Variants in CHSY3 observed in about 807,000 individuals in gnomAD.
CHSY3 encodes the protein N-acetylgalactosaminyl-proteoglycan 3-beta-glucuronosyltransferase 3.
CHSY3 carries 35 observed loss-of-function variants against 67.2 expected under a neutral mutation model. The observed-to-expected ratio is 0.52, with a 90% CI of 0.40 to 0.69. The LOEUF is 0.69. Ranked by LOEUF, CHSY3 falls within the 30% of genes least tolerant of loss-of-function variation. CHSY3 has a pLI of 0.00. For synonymous variants in CHSY3, 474 were observed against 434.7 expected (o/e 1.09, Z -1.12); for missense variants, 1,069 against 1,138.5 (o/e 0.94, Z 0.88).
intron 2 of CHSY3, among the ~76,000 whole-genome samples, chr5:130,071,540 TGTGTGTGTGTG>T (rs1561523303): frequency 6.6e-5 from 7 of 106,046 alleles, no homozygotes; most frequent in African/African-American, 3.0e-4. Flanking sequence ...TAGTTCATTG[TGTGTGTGTGTG>T]TGTGTGTGTG....
intron 2 of CHSY3, among the ~76,000 whole-genome samples, chr5:129,991,001 A>G (rs2149630146): frequency 6.6e-6 from 1 of 152,262 alleles, no homozygotes; most frequent in South Asian, 2.1e-4. Context: ...TAAGGATGCC[A>G]GGAAACGCAT....
At chr5:129,980,084 G>A (rs533813808) in intron 2 of CHSY3, among the ~76,000 whole-genome samples, 2 of 152,302 alleles carry the variant, frequency 1.3e-5, no homozygotes, top group South Asian at 2.1e-4. Context: ...ATGGACATAC[G>A]TTTTTAACTC....
At chr5:130,138,335 G>C (rs1045520000) in intron 2 of CHSY3, among the ~76,000 whole-genome samples, 3 of 152,320 alleles carry the variant, frequency 2.0e-5, no homozygotes, top group East Asian at 1.9e-4. Context: ...GTAGGCATAG[G>C]CTGTCAGCAA....
chr5:129,942,787 T>A (rs902790302), intron 2 of CHSY3, among the ~76,000 whole-genome samples: 4 of 152,148 alleles, frequency 2.6e-5, no homozygotes, highest in African/African-American at 7.2e-5. Context: ...TTTTATTTGG[T>A]CATGGATTTG....
At chr5:130,076,491 TA>T (rs1766259817) in intron 2 of CHSY3, among the ~76,000 whole-genome samples, 1 of 151,884 alleles carries the variant, frequency 6.6e-6, no homozygotes, top group South Asian at 2.1e-4. Context: ...TCTTATACAG[TA>T]AAATAGTAGT....
At chr5:130,168,436 T>A (rs1429876600) in intron 2 of CHSY3, among the ~76,000 whole-genome samples, 1 of 151,982 alleles carries the variant, frequency 6.6e-6, no homozygotes, top group Non-Finnish European at 1.5e-5. Context: ...AGGACTCCCA[T>A]CAGTCATGCT....
chr5:129,962,608 A>C (rs116640054), intron 2 of CHSY3, among the ~76,000 whole-genome samples: 1 of 152,024 alleles, frequency 6.6e-6, no homozygotes, highest in African/African-American at 2.4e-5. Context: ...GAGATCCTGC[A>C]TGGTCTGACA....
intron 2 of CHSY3, among the ~76,000 whole-genome samples, chr5:129,973,095 G>T (rs1185104404): frequency 2.0e-5 from 3 of 151,884 alleles, no homozygotes; most frequent in African/African-American, 7.3e-5. Context: ...TCATTAAATT[G>T]CTTTTTTGTG....
chr5:129,904,800 C>G lies in CHSY3; in HGVS notation c.-30C>G. 8 of 1,361,592 alleles carry G rather than the reference C, an allele frequency of 5.9e-6. No individual in the cohort carries two copies. Among genetic ancestry groups the G allele is most frequent in the Non-Finnish European group, 7.6e-6 (8 of 1,056,532 alleles). 84.3% of individuals were successfully genotyped at this position (1,361,592 alleles called of 1,614,324 possible). On this transcript the variant is annotated 5_prime_UTR_variant, in exon 1 of 3. Coordinates refer to ENST00000305031, the MANE Select transcript of CHSY3 (RefSeq NM_175856.5). ...AACCGCGTGCCGCGCCGCGACAGCC[C>G]AGCGAGCGTCCGCGCCCGGGACAGC...
intron 2 of CHSY3, among the ~76,000 whole-genome samples, chr5:130,043,600 C>A (rs983111774): frequency 1.3e-5 from 2 of 152,110 alleles, no homozygotes; most frequent in Non-Finnish European, 2.9e-5. Flanking sequence ...CGTCCACAAT[C>A]CTAAATGTAG....
At chr5:129,959,153 G>C (rs554364128) in intron 2 of CHSY3, among the ~76,000 whole-genome samples, 2 of 152,022 alleles carry the variant, frequency 1.3e-5, no homozygotes, top group Admixed American at 1.3e-4. Flanking sequence ...ACTAGTTACT[G>C]CTAGACATTA....
intron 2 of CHSY3, among the ~76,000 whole-genome samples, chr5:130,162,578 A>G (rs1241898716): frequency 6.6e-6 from 1 of 152,050 alleles, no homozygotes; most frequent in Non-Finnish European, 1.5e-5. Context: ...TCTGTCACCC[A>G]GGATGGAGTA....
intron 2 of CHSY3, among the ~76,000 whole-genome samples, chr5:130,003,516 A>G (rs1763792367): frequency 6.6e-6 from 1 of 152,150 alleles, no homozygotes; most frequent in South Asian, 2.1e-4. Flanking sequence ...TGTTCTTCCC[A>G]AGCACAATTG....
chr5:130,074,432 G>A (rs1766187586), intron 2 of CHSY3, among the ~76,000 whole-genome samples: 1 of 152,052 alleles, frequency 6.6e-6, no homozygotes, highest in Non-Finnish European at 1.5e-5. Flanking sequence ...TAAAAGATAA[G>A]GTAACAGAGT....
intron 2 of CHSY3, among the ~76,000 whole-genome samples, chr5:130,164,032 T>C (rs952003660): frequency 1.3e-5 from 2 of 152,170 alleles, no homozygotes; most frequent in Admixed American, 1.3e-4. Flanking sequence ...AGTGAACGAC[T>C]ACTTGGAAAC....
chr5:129,965,814 CAGAAT>C (rs2149610539), intron 2 of CHSY3, among the ~76,000 whole-genome samples: 1 of 152,018 alleles, frequency 6.6e-6, no homozygotes, highest in African/African-American at 2.4e-5. Context: ...TTTTATATTA[CAGAAT>C]ACTGGTTGAT....
chr5:129,918,054 A>G (rs1296755464), intron 2 of CHSY3, among the ~76,000 whole-genome samples: 1 of 152,192 alleles, frequency 6.6e-6, no homozygotes, highest in Non-Finnish European at 1.5e-5. Flanking sequence ...AGTAATGAAC[A>G]CTTCTGCATT....
chr5:130,185,735 G>A lies in CHSY3; in HGVS notation c.2593G>A (p.Ala865Thr). The change falls in exon 3 of 3, where the codon GCT becomes ACT. Residue 865 changes from alanine (A) to threonine (T), a missense_variant. By Grantham distance (58) the Ala-to-Thr change is moderately conservative. Transcript: ENST00000305031. ...ASTFASTMQL[A>T]ELWLEKHLGV... ...TACTTTCGCCTCAACCATGCAACTG[G>A]CTGAACTCTGGCTTGAAAAACATTT... 1 of 1,612,340 alleles carries A rather than the reference G, an allele frequency of 6.2e-7. No individual in the cohort carries two copies. Among genetic ancestry groups the A allele is most frequent in the Non-Finnish European group, 8.5e-7 (1 of 1,178,776 alleles).
At chr5:130,039,991 G>A (rs775543640) in intron 2 of CHSY3, among the ~76,000 whole-genome samples, 21 of 152,052 alleles carry the variant, frequency 1.4e-4, no homozygotes, top group Non-Finnish European at 2.2e-4. Context: ...TGTCGCTTTA[G>A]GGAGGTAAAG....
Sources: allele counts gnomAD v4.1 joint callset (sites outside exome capture counted in the v4.1 genomes callset), GRCh38; gene constraint gnomAD v4.1.1; transcripts MANE v1.5; gene names NCBI Gene and HGNC (gene_info 2026-07-23, HGNC 2026-07-21).